Variants in PCCA observed in about 807,000 individuals in gnomAD.
PCCA encodes propionyl-CoA carboxylase alpha chain, mitochondrial.
Under a neutral mutation model 101.3 loss-of-function variants are expected in PCCA, and 74 were observed. That is an observed-to-expected ratio of 0.73 (90% CI 0.61 to 0.89). The LOEUF is 0.89. Ranked by LOEUF, PCCA falls within the 40% of genes least tolerant of loss-of-function variation. The pLI, the probability that PCCA is intolerant of heterozygous loss-of-function variation, is 0.00. For missense variants in PCCA, 891 were observed against 907.0 expected (o/e 0.98, Z 0.23); for synonymous variants, 294 against 313.6 (o/e 0.94, Z 0.66).
intron 6 of PCCA, among the ~76,000 whole-genome samples, chr13:100,188,414 C>T (rs985220971): frequency 9.9e-5 from 15 of 152,138 alleles, no homozygotes; most frequent in South Asian, 2.1e-4. Context: ...GCTGAGTGGT[C>T]GTATTCCATG....
At chr13:100,103,361 G>C (rs1345978555) in intron 2 of PCCA, among the ~76,000 whole-genome samples, 1 of 151,240 alleles carries the variant, frequency 6.6e-6, no homozygotes, top group Admixed American at 6.6e-5. Flanking sequence ...ACCCAGGCTG[G>C]AGTGCAGTGG....
intron 2 of PCCA, among the ~76,000 whole-genome samples, chr13:100,106,571 C>T (rs1594111577): frequency 2.0e-5 from 3 of 152,076 alleles, no homozygotes; most frequent in South Asian, 2.1e-4. Context: ...CCACCACATC[C>T]GGCTAATTTT....
At chr13:100,348,770 T>G (rs1566976157) in intron 18 of PCCA, among the ~76,000 whole-genome samples, 5 of 101,936 alleles carry the variant, frequency 4.9e-5, no homozygotes, top group Non-Finnish European at 2.0e-5. Context: ...CTTTCTTTCT[T>G]TCTTTCTTTC....
At chr13:100,466,979 G>A (rs1216832203) in intron 21 of PCCA, among the ~76,000 whole-genome samples, 1 of 152,154 alleles carries the variant, frequency 6.6e-6, no homozygotes, top group Non-Finnish European at 1.5e-5. Flanking sequence ...GTTGGCCGGG[G>A]GACGATCGTT....
At chr13:100,184,673 AG>A (rs2057091486) in intron 6 of PCCA, among the ~76,000 whole-genome samples, 1 of 152,236 alleles carries the variant, frequency 6.6e-6, no homozygotes, top group African/African-American at 2.4e-5. Flanking sequence ...CCTAGACTAT[AG>A]GTAAATGAAT....
chr13:100,343,665 T>G (rs1264520392), intron 18 of PCCA, among the ~76,000 whole-genome samples: 1 of 152,184 alleles, frequency 6.6e-6, no homozygotes, highest in Non-Finnish European at 1.5e-5. Context: ...TAAAACTGGA[T>G]TGGGGTGATG....
chr13:100,215,599 A>G (rs893473629), intron 7 of PCCA, among the ~76,000 whole-genome samples: 5 of 152,060 alleles, frequency 3.3e-5, no homozygotes, highest in Non-Finnish European at 7.4e-5. Context: ...CATATATCCT[A>G]CGCTCATCCT....
At chr13:100,308,679 C>A (rs954963931) in intron 15 of PCCA, among the ~76,000 whole-genome samples, 4 of 152,022 alleles carry the variant, frequency 2.6e-5, no homozygotes, top group Non-Finnish European at 5.9e-5. Flanking sequence ...ATTAGAGAAC[C>A]ACCATTTAAT....
At chr13:100,437,012 CCT>C (rs1364783885) in intron 20 of PCCA, among the ~76,000 whole-genome samples, 32 of 152,294 alleles carry the variant, frequency 2.1e-4, no homozygotes, top group African/African-American at 3.9e-4. Flanking sequence ...TTCCTGTTGG[CCT>C]CTGTTTGCTC....
chr13:100,162,419 A>G (rs1435730211), intron 6 of PCCA, among the ~76,000 whole-genome samples: 2 of 151,666 alleles, frequency 1.3e-5, no homozygotes, highest in Non-Finnish European at 2.9e-5. Context: ...ATGAGAGAGT[A>G]TGGATCCGTT....
intron 12 of PCCA, among the ~76,000 whole-genome samples, chr13:100,286,368 G>T (rs1456068488): frequency 1.3e-5 from 2 of 152,146 alleles, no homozygotes; most frequent in African/African-American, 4.8e-5. Context: ...TCCCCTGTTG[G>T]CTAGGGTTAG....
Position 100,239,166 on chromosome 13 carries a change from A to G in PCCA, c.637+3288A>G, listed in dbSNP as rs551309823. ...CTTCCTAAGGCCAGGCACTTTGGAA[A>G]TGTTGTTTCTAATGCTAATTCTTGG... is the stretch of plus-strand genomic sequence containing the variant. On this transcript the variant is annotated intron_variant, in intron 8 of 23. Transcript: ENST00000376285. 9.2e-5 allele frequency among the ~76,000 whole-genome samples: 14 copies of G among 152,300 alleles called. No individual in the cohort carries two copies. In the South Asian group the frequency reaches 2.9e-3, roughly 32 times the overall value.
Position 100,507,624 on chromosome 13 carries a change from T to A in PCCA, c.1900-7803T>A, listed in dbSNP as rs2086178027. On this transcript the variant is annotated intron_variant, in intron 21 of 23. Coordinates refer to ENST00000376285, the MANE Select transcript of PCCA (RefSeq NM_000282.4). ...GGGAAGAAATAAATCCTCTCTGTTATTGAGTGCTGGGTCTAGTGTTTAATT... is the reference window on the plus strand; with the variant it reads ...GGGAAGAAATAAATCCTCTCTGTTAATGAGTGCTGGGTCTAGTGTTTAATT... Among the ~76,000 whole-genome samples the A allele has an allele frequency of 2.0e-5, 3 of 152,196 alleles. 1 individual carries two copies. In the South Asian group the frequency reaches 6.2e-4, roughly 31 times the overall value.
intron 16 of PCCA, among the ~76,000 whole-genome samples, chr13:100,321,536 A>G (rs2152716621): frequency 6.6e-6 from 1 of 151,186 alleles, no homozygotes; most frequent in East Asian, 1.9e-4. Flanking sequence ...ATCATTACCC[A>G]CAGAACAAGC....
chr13:100,353,974 C>T (rs2073615314), intron 18 of PCCA, among the ~76,000 whole-genome samples: 1 of 151,018 alleles, frequency 6.6e-6, no homozygotes, highest in African/African-American at 2.4e-5. Context: ...AGAAATAAAG[C>T]TGGGTGTGGG....
intron 2 of PCCA, among the ~76,000 whole-genome samples, chr13:100,105,405 C>T (rs1594104165): frequency 6.6e-6 from 1 of 152,166 alleles, no homozygotes; most frequent in Non-Finnish European, 1.5e-5. Context: ...TAAGTGGCTA[C>T]ACTCTTAAGA....
chr13:100,185,706 G>A (rs537597179), intron 6 of PCCA, among the ~76,000 whole-genome samples: 8 of 151,416 alleles, frequency 5.3e-5, no homozygotes, highest in Middle Eastern at 3.4e-3. Flanking sequence ...GGAGTGCAAT[G>A]GTGCGATCTC....
intron 7 of PCCA, among the ~76,000 whole-genome samples, chr13:100,231,812 T>C (rs2060486931): frequency 6.6e-6 from 1 of 151,848 alleles, no homozygotes. Context: ...GCTCAAGTGG[T>C]CTTCCTGCCT....
intron 6 of PCCA, among the ~76,000 whole-genome samples, chr13:100,173,823 T>C (rs2055965926): frequency 6.6e-6 from 1 of 152,168 alleles, no homozygotes; most frequent in Non-Finnish European, 1.5e-5. Flanking sequence ...TGTGTTGTTC[T>C]TGTGATAGTG....
Sources: gnomAD v4.1 joint callset for allele counts (sites outside exome capture counted in the v4.1 genomes callset) on GRCh38, gnomAD v4.1.1 for gene constraint, MANE v1.5 for transcripts, NCBI Gene and HGNC (gene_info 2026-07-23, HGNC 2026-07-21) for gene names.